The following KCNJ6 variants were observed in gnomAD, a reference collection of about 807,000 sequenced individuals.
The protein encoded by KCNJ6 is potassium inwardly rectifying channel subfamily J member 6.
A neutral mutation model predicts 34.2 loss-of-function variants in KCNJ6; 9 were observed. The ratio of observed to expected loss-of-function variants is 0.26; its 90% CI spans 0.16 to 0.46. The LOEUF (loss-of-function observed/expected upper bound fraction) is 0.46. Among genes scored for constraint, KCNJ6 ranks in the 20% least tolerant of loss-of-function variants. KCNJ6 has a pLI of 1.00. For missense variants in KCNJ6, 236 were observed against 531.3 expected (o/e 0.44, Z 5.46); for synonymous variants, 196 against 207.1 (o/e 0.95, Z 0.46).
In KCNJ6 at chr21:37,617,081, CT is replaced by C. The variant is rs1440613812; in HGVS notation, c.*8077del. On this transcript the variant is annotated 3_prime_UTR_variant, in exon 4 of 4. Transcript: ENST00000609713. ...TCTTTTCTTTTCTTTTCTTTTCTTT[CT>C]TTTTCTTTCTTTCTTTTCTTTCTTT... 5 of 89,872 alleles carry C rather than the reference CT, an allele frequency of 5.6e-5. No homozygotes were observed. Among genetic ancestry groups the C allele is most frequent in the Non-Finnish European group, 9.1e-5 (4 of 43,934 alleles). 5.6% of individuals were successfully genotyped at this position (89,872 alleles called of 1,614,324 possible). A position where few individuals can be genotyped will look rare whatever the true frequency, so the allele number is the denominator to read the frequency against.
At chr21:37,908,349 T>C (rs558639422) in intron 1 of KCNJ6, among the ~76,000 whole-genome samples, 1 of 152,356 alleles carries the variant, frequency 6.6e-6, no homozygotes, top group East Asian at 1.9e-4. Context: ...GCAGAGGTTC[T>C]CAAACACTGC....
At position 37,878,100 on chromosome 21, in the gene KCNJ6, A is replaced by G. The variant is rs573199796; in HGVS notation, c.-27-37391T>C. 3.9e-5 allele frequency among the ~76,000 whole-genome samples: 6 copies of G among 152,342 alleles called. No homozygotes were observed. In the East Asian group the frequency reaches 1.2e-3, roughly 29 times the overall value. On this transcript the variant is annotated intron_variant, in intron 1 of 3. Transcript: ENST00000609713. ...GAGTTTCTGTCCTCTATCAATCTGCACGGTGGAAACAATAAGCACTGAGCT... is the reference window on the plus strand; with the variant it reads ...GAGTTTCTGTCCTCTATCAATCTGCGCGGTGGAAACAATAAGCACTGAGCT...
chr21:37,877,878 G>A (rs529221703), intron 1 of KCNJ6, among the ~76,000 whole-genome samples: 49 of 152,334 alleles, frequency 3.2e-4, no homozygotes, highest in Non-Finnish European at 6.5e-4. Flanking sequence ...GGCGCATGCC[G>A]GAAGTTCATA....
At chr21:37,794,895 A>G (rs995529722) in intron 2 of KCNJ6, among the ~76,000 whole-genome samples, 4 of 151,966 alleles carry the variant, frequency 2.6e-5, no homozygotes, top group Non-Finnish European at 4.4e-5. Context: ...AAAATAAAAA[A>G]GAAAAAAAAT....
At chr21:37,841,303 T>C (rs899838071) in intron 1 of KCNJ6, among the ~76,000 whole-genome samples, 13 of 152,172 alleles carry the variant, frequency 8.5e-5, no homozygotes, top group African/African-American at 3.1e-4. Flanking sequence ...CATACAGAAA[T>C]TGAATCTGTC....
intron 2 of KCNJ6, among the ~76,000 whole-genome samples, chr21:37,791,108 C>G (rs1041466893): frequency 6.6e-6 from 1 of 152,194 alleles, no homozygotes; most frequent in South Asian, 2.1e-4. Flanking sequence ...CTGGGAGGGA[C>G]CTTGTCCTCC....
intron 1 of KCNJ6, among the ~76,000 whole-genome samples, chr21:37,914,806 G>T (rs2055885202): frequency 6.6e-6 from 1 of 152,000 alleles, no homozygotes. Context: ...ATGTGGCATT[G>T]CTCCCTGTAC....
chr21:37,743,645 A>T (rs569210297), intron 2 of KCNJ6, among the ~76,000 whole-genome samples: 1 of 152,188 alleles, frequency 6.6e-6, no homozygotes, highest in Non-Finnish European at 1.5e-5. Context: ...TGATGCAGCA[A>T]GAAGGCCCTC....
intron 1 of KCNJ6, among the ~76,000 whole-genome samples, chr21:37,910,565 C>T (rs1395089209): frequency 6.6e-6 from 1 of 152,190 alleles, no homozygotes; most frequent in Non-Finnish European, 1.5e-5. Flanking sequence ...CACAGATGCA[C>T]TTTCTGGTTC....
chr21:37,806,242 G>C (rs2055293007), intron 2 of KCNJ6, among the ~76,000 whole-genome samples: 1 of 152,130 alleles, frequency 6.6e-6, no homozygotes, highest in Non-Finnish European at 1.5e-5. Flanking sequence ...TAGCGGATGG[G>C]GACTGAGGAT....
At chr21:37,733,785 G>T (rs1255578136) in intron 2 of KCNJ6, among the ~76,000 whole-genome samples, 1 of 152,184 alleles carries the variant, frequency 6.6e-6, no homozygotes, top group Non-Finnish European at 1.5e-5. Context: ...TCCCTGTATG[G>T]TCACATACAC....
Position 37,867,586 on chromosome 21 carries a change from C to G in KCNJ6, c.-27-26877G>C, listed in dbSNP as rs140322638. 9.6e-3 allele frequency among the ~76,000 whole-genome samples: 1,464 copies of G among 152,210 alleles called. 27 individuals carry two copies. Among genetic ancestry groups the G allele is most frequent in the African/African-American group, 0.033 (1,376 of 41,508 alleles). ...TACGTATTTGTACTTTATATCCTAC[C>G]TGCTTCCAAAAACAACAATTGAAAT... On this transcript the variant is annotated intron_variant, in intron 1 of 3. Coordinates refer to ENST00000609713, the MANE Select transcript of KCNJ6 (RefSeq NM_002240.5).
At chr21:37,855,498 G>A (rs1273415504) in intron 1 of KCNJ6, among the ~76,000 whole-genome samples, 2 of 152,234 alleles carry the variant, frequency 1.3e-5, no homozygotes, top group Non-Finnish European at 2.9e-5. Flanking sequence ...CTGAGTCTGT[G>A]TCATGGAAGA....
chr21:37,789,881 T>A (rs1391504064), intron 2 of KCNJ6, among the ~76,000 whole-genome samples: 1 of 152,140 alleles, frequency 6.6e-6, no homozygotes, highest in Non-Finnish European at 1.5e-5. Context: ...TATGCATTAG[T>A]CTGTGGTTTG....
chr21:37,827,518 C>A (rs1380561150), intron 2 of KCNJ6, among the ~76,000 whole-genome samples: 1 of 141,592 alleles, frequency 7.1e-6, no homozygotes, highest in Non-Finnish European at 1.5e-5. Context: ...GACATCATAA[C>A]CCTTGGGTTT....
intron 1 of KCNJ6, among the ~76,000 whole-genome samples, chr21:37,877,549 A>G (rs2055685099): frequency 6.6e-6 from 1 of 152,206 alleles, no homozygotes; most frequent in African/African-American, 2.4e-5. Flanking sequence ...TATTCTGTTA[A>G]TGCATCAAAC....
chr21:37,883,605 T>C (rs1043345191), intron 1 of KCNJ6, among the ~76,000 whole-genome samples: 1 of 152,178 alleles, frequency 6.6e-6, no homozygotes, highest in Non-Finnish European at 1.5e-5. Flanking sequence ...GGAAGGCTTA[T>C]GTAAATGCAT....
chr21:37,726,606 GTA>G (rs755334056), intron 2 of KCNJ6, among the ~76,000 whole-genome samples: 3 of 152,184 alleles, frequency 2.0e-5, no homozygotes, highest in Non-Finnish European at 2.9e-5. Context: ...GAATGTGTGT[GTA>G]TGTGTGTGTG....
intron 3 of KCNJ6, among the ~76,000 whole-genome samples, chr21:37,662,075 A>G (rs1420177326): frequency 6.6e-6 from 1 of 152,130 alleles, no homozygotes; most frequent in Non-Finnish European, 1.5e-5. Flanking sequence ...CAGTCTTGTG[A>G]TCAGAGAAAA....
Sources: allele counts gnomAD v4.1 joint callset (sites outside exome capture counted in the v4.1 genomes callset), GRCh38; gene constraint gnomAD v4.1.1; transcripts MANE v1.5; gene names NCBI Gene and HGNC (gene_info 2026-07-23, HGNC 2026-07-21).